ADGRB3: variants seen among roughly 807,000 people sequenced by gnomAD.
ADGRB3 encodes the protein adhesion G protein-coupled receptor B3, also known as brain-specific angiogenesis inhibitor 3.
ADGRB3 carries 37 observed loss-of-function variants against 193.4 expected under a neutral mutation model. That is an observed-to-expected ratio of 0.19 (90% CI 0.15 to 0.25). The LOEUF (loss-of-function observed/expected upper bound fraction) is 0.25. ADGRB3 is among the 10% of genes least tolerant of loss of function. The pLI is 1.00. For synonymous variants in ADGRB3, 690 were observed against 644.2 expected, an observed-to-expected ratio of 1.07 and a Z score of -1.08; for missense variants, 1,637 against 1,852.9, an observed-to-expected ratio of 0.88 and a Z score of 2.14.
intron 20 of ADGRB3, among the ~76,000 whole-genome samples, chr6:69,291,018 G>C (rs1262689787): frequency 1.3e-5 from 2 of 152,092 alleles, no homozygotes; most frequent in Non-Finnish European, 2.9e-5. Context: ...CAGAAAATTT[G>C]AGTTCAACCA....
chr6:69,233,643 G>C (rs967033850), intron 18 of ADGRB3, among the ~76,000 whole-genome samples: 2 of 152,162 alleles, frequency 1.3e-5, no homozygotes, highest in African/African-American at 2.4e-5. Context: ...TTTCTGCAGT[G>C]TAGTTTCAAG....
At chr6:68,711,455 C>T (rs1765408011) in intron 3 of ADGRB3, among the ~76,000 whole-genome samples, 1 of 152,078 alleles carries the variant, frequency 6.6e-6, no homozygotes, top group Non-Finnish European at 1.5e-5. Context: ...CATTTATATG[C>T]AGTTCTCTGA....
intron 3 of ADGRB3, among the ~76,000 whole-genome samples, chr6:68,883,403 C>CCGCGGCAATCAGGT (rs2150225323): frequency 2.0e-5 from 3 of 152,288 alleles, no homozygotes; most frequent in African/African-American, 7.2e-5. Context: ...GCAGCACCAG[C>CCGCGGCAATCAGGT]TGCGGCAATC....
intron 11 of ADGRB3, among the ~76,000 whole-genome samples, chr6:69,003,622 T>A (rs554215176): frequency 6.6e-6 from 1 of 152,244 alleles, no homozygotes; most frequent in African/African-American, 2.4e-5. Flanking sequence ...TCCTATTGTT[T>A]CTCTGTGGTA....
intron 3 of ADGRB3, among the ~76,000 whole-genome samples, chr6:68,857,178 T>G (rs1765012407): frequency 6.6e-6 from 1 of 152,188 alleles, no homozygotes; most frequent in South Asian, 2.1e-4. Context: ...GCTAGGGCAG[T>G]GTGGAAGGGA....
intron 17 of ADGRB3, among the ~76,000 whole-genome samples, chr6:69,143,524 A>C (rs1774397218): frequency 6.6e-6 from 1 of 152,196 alleles, no homozygotes; most frequent in African/African-American, 2.4e-5. Context: ...AGTCTTAGAT[A>C]TAAGACTTTC....
intron 17 of ADGRB3, among the ~76,000 whole-genome samples, chr6:69,178,087 G>A (rs1014312495): frequency 1.3e-5 from 2 of 152,188 alleles, no homozygotes; most frequent in Non-Finnish European, 2.9e-5. Flanking sequence ...AGGTCTAGAA[G>A]TACTTGTTTT....
In ADGRB3 at chr6:68,974,828, G is replaced by A. The variant is rs767292207; in HGVS notation, c.1591G>A (p.Asp531Asn). 6.8e-6 allele frequency: 11 copies of A among 1,613,732 alleles called. No homozygotes were observed. Among genetic ancestry groups the A allele is most frequent in the South Asian group, 2.2e-5 (2 of 91,062 alleles). Residue 531 changes from aspartate to asparagine, a missense_variant, in exon 9 of 32, where the codon GAC (aspartate) becomes AAC (asparagine). This residue lies in a region of ADGRB3 where 641 missense variants were observed against 673.9 expected (regional missense o/e 0.95). Coordinates refer to ENST00000370598, the MANE Select transcript of ADGRB3 (RefSeq NM_001704.3). ...GGTGTGGAAAAGAACTCCAGCAGGC[G>A]ACTTGGCATTCAATCAATGTCCCCT... ...SMVWKRTPAG[D>N]LAFNQCPLNA...
chr6:69,012,339 C>G (rs559687987), intron 11 of ADGRB3, among the ~76,000 whole-genome samples: 2 of 151,874 alleles, frequency 1.3e-5, no homozygotes, highest in Admixed American at 1.3e-4. Flanking sequence ...GAATGCAGAC[C>G]GAGGTCATGG....
chr6:68,748,064 A>G (rs897165121), intron 3 of ADGRB3, among the ~76,000 whole-genome samples: 2 of 152,270 alleles, frequency 1.3e-5, no homozygotes, highest in Non-Finnish European at 1.5e-5. Flanking sequence ...ACTGGCCTCC[A>G]TGATTCAGTT....
chr6:69,089,105 G>A (rs1396602773), intron 17 of ADGRB3, among the ~76,000 whole-genome samples: 1 of 152,202 alleles, frequency 6.6e-6, no homozygotes, highest in East Asian at 1.9e-4. Context: ...TCTCCACAGA[G>A]GAAGTACTGC....
At chr6:69,074,840 C>T (rs1006146789) in intron 16 of ADGRB3, among the ~76,000 whole-genome samples, 7 of 152,086 alleles carry the variant, frequency 4.6e-5, no homozygotes, top group Admixed American at 3.3e-4. Context: ...CCACTGCGCC[C>T]GGCCTCAGGA....
At chr6:69,132,214 A>G (rs145142714) in intron 17 of ADGRB3, among the ~76,000 whole-genome samples, 2,948 of 152,254 alleles carry the variant, frequency 0.019, 41 homozygotes, top group Non-Finnish European at 0.028. Flanking sequence ...TGTCCTCCAT[A>G]ATGGTTGAAC....
intron 17 of ADGRB3, among the ~76,000 whole-genome samples, chr6:69,120,712 CT>C (rs574531357): frequency 3.3e-5 from 5 of 151,790 alleles, no homozygotes; most frequent in African/African-American, 9.7e-5. Flanking sequence ...CAGTTTACCT[CT>C]TTTTTTTGCT....
chr6:69,042,072 C>T (rs1431664760), intron 13 of ADGRB3, among the ~76,000 whole-genome samples: 1 of 152,132 alleles, frequency 6.6e-6, no homozygotes, highest in Non-Finnish European at 1.5e-5. Flanking sequence ...CTCATGAGAT[C>T]TGATGATTTT....
chr6:68,943,012 AT>A (rs1239894529), intron 5 of ADGRB3, among the ~76,000 whole-genome samples: 1 of 152,204 alleles, frequency 6.6e-6, no homozygotes, highest in Non-Finnish European at 1.5e-5. Context: ...TCAATTGTGA[AT>A]TCATTGTAGT....
intron 3 of ADGRB3, among the ~76,000 whole-genome samples, chr6:68,686,652 T>G (rs1039537061): frequency 6.6e-6 from 1 of 152,204 alleles, no homozygotes; most frequent in African/African-American, 2.4e-5. Flanking sequence ...CTGAACCAAC[T>G]GAGATATCTA....
intron 20 of ADGRB3, among the ~76,000 whole-genome samples, chr6:69,243,698 T>C (rs1490955864): frequency 1.3e-5 from 2 of 151,942 alleles, no homozygotes. Flanking sequence ...TTATATTTAG[T>C]TTGATAATGA....
intron 3 of ADGRB3, among the ~76,000 whole-genome samples, chr6:68,901,644 C>T (rs1223889574): frequency 6.6e-6 from 1 of 151,936 alleles, no homozygotes; most frequent in Non-Finnish European, 1.5e-5. Context: ...ATTTTAACAA[C>T]TTAAATGAGA....
Sources: gnomAD v4.1 joint callset for allele counts (sites outside exome capture counted in the v4.1 genomes callset) on GRCh38, gnomAD v4.1.1 for gene constraint, gnomAD v4.1.1 regional missense constraint, MANE v1.5 for transcripts, NCBI Gene and HGNC (gene_info 2026-07-23, HGNC 2026-07-21) for gene names.